TTN: variants seen among roughly 807,000 people sequenced by gnomAD.
The protein encoded by TTN is connectin.
A neutral mutation model predicts 3,223.0 loss-of-function variants in TTN; 1,525 were observed. That is an observed-to-expected ratio of 0.47 (90% CI 0.45 to 0.49). The LOEUF is 0.49. TTN is among the 20% of genes least tolerant of loss of function. TTN has a pLI of 0.00. For synonymous variants in TTN, 14,094 were observed against 15,161.0 expected, an observed-to-expected ratio of 0.93 and a Z score of 5.17; for missense variants, 40,786 against 43,424.0, an observed-to-expected ratio of 0.94 and a Z score of 5.40.
At position 178,732,436 on chromosome 2, in the gene TTN, A is replaced by C; in HGVS notation, c.16621+4T>G. 1 of 1,596,308 alleles carries C rather than the reference A, an allele frequency of 6.3e-7. No individual in the cohort carries two copies. The stretch of plus-strand genomic sequence containing the variant: ...CACAAAGATGTCAAGAAAACAATGC[A>C]AACCTTTTACAAACAAGTTTGCACT... On this transcript the variant is annotated splice_donor_region_variant and intron_variant, in intron 56 of 362. Transcript: ENST00000589042.
rs1269228304 is a variant in TTN, at chr2:178,560,793, C to A, written c.85339G>T (p.Val28447Leu). The A allele has an allele frequency of 1.2e-6, 2 of 1,613,718 alleles. No individual in the cohort carries two copies. Among genetic ancestry groups the A allele is most frequent in the South Asian group, 1.1e-5 (1 of 91,078 alleles). Residue 28447 changes from valine to leucine, a missense_variant, in exon 326 of 363, where the codon GTA becomes TTA. Transcript: ENST00000589042. ...GCTGGTGGACCAGGCTTATCAAGTA[C>A]TTTGCAATTAACGGCCACAGACCGA... ...GTRSVAVNCKVLDKPGPPAGP... is the reference protein window; with the variant it reads ...GTRSVAVNCKLLDKPGPPAGP...
intron 47 of TTN, chr2:178,750,095 G>A (rs1280969353): frequency 5.0e-6 from 8 of 1,613,112 alleles, no homozygotes; most frequent in Non-Finnish European, 6.8e-6. Flanking sequence ...AATTTCTACA[G>A]GAAAGGAAAG....
Position 178,713,356 on chromosome 2 carries a change from A to G in TTN, c.26778T>C (p.Pro8926=), listed in dbSNP as rs767578464. Residue 8926 remains proline (P), a synonymous_variant, in exon 93 of 363, where the codon CCT becomes CCC. Transcript: ENST00000589042. Reference sequence around the variant, plus strand: ...TCTCTTTCAATTTTCTTGTGAATGAAGGAGGAACGGTTCGGTCTGAATGAT... The same window carrying G: ...TCTCTTTCAATTTTCTTGTGAATGAGGGAGGAACGGTTCGGTCTGAATGAT... ...SLQVSDRTVP[P]SFTRKLKETN... 6.5e-6 allele frequency: 10 copies of G among 1,541,996 alleles called. No individual in the cohort carries two copies. In the South Asian group the frequency reaches 1.2e-4, roughly 19 times the overall value.
Position 178,605,258 on chromosome 2 carries a change from TC to T in TTN, c.53918del (p.Gly17973GlufsTer18), listed in dbSNP as rs1486129583. ...CTCCTGCCTTAACTTTGATAGTGTC[TC>T]CTCGAACACTCAGACGCAACTTAAT... is the stretch of plus-strand genomic sequence containing the variant. ...PTIKLRLSVR[G>X]DTIKVKAGEP... is the part of the protein sequence containing the mutation. On this transcript the variant is annotated frameshift_variant, in exon 280 of 363. Coordinates refer to ENST00000589042, the MANE Select transcript of TTN (RefSeq NM_001267550.2). LOFTEE classifies it high-confidence loss of function. The T allele has an allele frequency of 6.2e-7, 1 of 1,603,420 alleles. No homozygotes were observed. The highest frequency in any genetic ancestry group is 8.5e-7 in the Non-Finnish European group (1 of 1,174,960).
At position 178,644,518 on chromosome 2, in the gene TTN, T is replaced by C. The variant is rs116209755; in HGVS notation, c.40477+30A>G. The C allele has an allele frequency of 6.8e-4, 1,035 of 1,532,808 alleles. 2 individuals are homozygous for C. Among genetic ancestry groups the C allele is most frequent in the Admixed American group, 9.0e-4 (42 of 46,502 alleles). 95.0% of individuals were successfully genotyped at this position (1,532,808 alleles called of 1,614,324 possible). A position where few individuals can be genotyped will look rare whatever the true frequency, so the allele number is the denominator to read the frequency against. ...AGGAGTCAGGTAAAGGGGTACTACA[T>C]AAGTATGTATTTTTCAGCCTGTGAA... On this transcript the variant is annotated intron_variant, in intron 218 of 362. Transcript: ENST00000589042.
chr2:178,539,559 GTC>G lies in TTN; in HGVS notation c.98504_98505del (p.Arg32835ThrfsTer5). 1 of 1,613,734 alleles carries G rather than the reference GTC, an allele frequency of 6.2e-7. No individual in the cohort carries two copies. The highest frequency in any genetic ancestry group is 8.5e-7 in the Non-Finnish European group (1 of 1,179,774). On this transcript the variant is annotated frameshift_variant, in exon 352 of 363. Transcript: ENST00000589042. LOFTEE classifies it high-confidence loss of function. ...TACCAGGCGGCTTTAGGCACTTCTC[GTC>G]TCTCGAGGATGTAGCCTAAGATGTC... ...GADILGYILE[R>X]REVPKAAWYT...
Position 178,539,379 on chromosome 2 carries a change from T to C in TTN, c.98683+3A>G, listed in dbSNP as rs1693285723. The C allele has an allele frequency of 6.2e-7, 1 of 1,608,814 alleles. No homozygotes were observed. Among genetic ancestry groups the C allele is most frequent in the Non-Finnish European group, 8.5e-7 (1 of 1,175,998 alleles). On this transcript the variant is annotated splice_donor_region_variant and intron_variant, in intron 352 of 362. Transcript: ENST00000589042. The stretch of plus-strand genomic sequence containing the variant: ...ATAATTTTGTGGTTGAAAGGGCACT[T>C]ACTCAATGGTGTTTTTGGTGTGACT...
At chr2:178,649,400 C>G in intron 212 of TTN, 69 bp from the exon 213 acceptor site, 2 of 1,332,584 alleles carry the variant, frequency 1.5e-6, no homozygotes, top group Non-Finnish European at 2.0e-6. Context: ...GAATAAAAAA[C>G]CTGTATTTAT....
rs1430479262 is a variant in TTN at position 178,538,819 on chromosome 2, C to T, written c.99010G>A (p.Glu33004Lys). ...DPFDKPSQPG[E>K]LEILSISKDS... ...TTGGATATTGAAAGAATCTCAAGTT[C>T]TCCTGGTTGGCTTGGTTTATCTGAA... The change falls in exon 354 of 363, where the codon GAA becomes AAA. Residue 33004 changes from glutamate to lysine, a missense_variant. Physicochemically the swap from Glu to Lys is moderately conservative, Grantham distance 56 (BLOSUM62 1). Coordinates refer to ENST00000589042, the MANE Select transcript of TTN (RefSeq NM_001267550.2). 2 of 1,608,420 alleles carry T rather than the reference C, an allele frequency of 1.2e-6. No individual in the cohort carries two copies. The highest frequency in any genetic ancestry group is 2.2e-5 in the South Asian group (2 of 90,170).
intron 264 of TTN, 26 bp downstream of exon 264, chr2:178,613,135 A>C (rs2056658074): frequency 6.2e-7 from 1 of 1,607,534 alleles, no homozygotes; most frequent in African/African-American, 1.3e-5. Flanking sequence ...ACTTCGAAAT[A>C]ACCACAAAAA....
intron 136 of TTN, 46 bp downstream of exon 136, chr2:178,681,615 A>T (rs1451479220): frequency 1.3e-6 from 2 of 1,562,150 alleles, no homozygotes; most frequent in Non-Finnish European, 1.7e-6. Flanking sequence ...ACAGACATGG[A>T]GGAAACAAAG....
Position 178,667,222 on chromosome 2 carries a change from C to A in TTN, c.35797+14G>T, listed in dbSNP as rs201205432. 9.5e-6 allele frequency: 15 copies of A among 1,581,400 alleles called. No individual in the cohort carries two copies. Among genetic ancestry groups the A allele is most frequent in the Non-Finnish European group, 8.6e-7 (1 of 1,162,796 alleles). On this transcript the variant is annotated intron_variant, in intron 162 of 362. Coordinates refer to ENST00000589042, the MANE Select transcript of TTN (RefSeq NM_001267550.2). Reference sequence around the variant, plus strand: ...TATTTTCTTCTTTAGATTTTCCTAACTAGAGAATTATACCTTCAGTTGGAG... The same window carrying A: ...TATTTTCTTCTTTAGATTTTCCTAAATAGAGAATTATACCTTCAGTTGGAG...
chr2:178,785,598 A>G, intron 15 of TTN, 22 bp downstream of exon 15: 1 of 1,613,862 alleles, frequency 6.2e-7, no homozygotes, highest in Non-Finnish European at 8.5e-7. Context: ...ACATTTCTGT[A>G]TCATGCTCTG....
intron 282 of TTN, among the ~76,000 whole-genome samples, chr2:178,603,033 A>G (rs752059341): frequency 3.4e-4 from 52 of 152,020 alleles, no homozygotes; most frequent in Non-Finnish European, 7.1e-4. Context: ...CTTTAGGGAC[A>G]GGATCAGTGT....
At chr2:178,713,037 C>A in intron 93 of TTN, 48 bp downstream of exon 93, 1 of 1,605,100 alleles carries the variant, frequency 6.2e-7, no homozygotes, top group South Asian at 1.1e-5. Flanking sequence ...GACAAACATG[C>A]TTAATAAACT....
rs369857502 is a variant in TTN at position 178,549,366 on chromosome 2, A to G, written c.92260T>C (p.Tyr30754His). 6.2e-7 allele frequency: 1 copy of G among 1,613,800 alleles called. No homozygotes were observed. Among genetic ancestry groups the G allele is most frequent in the South Asian group, 1.1e-5 (1 of 91,082 alleles). Reference protein sequence around the residue: ...ESDGGSEIQQYILERREKKST... With the variant: ...ESDGGSEIQQHILERREKKST... ...TTCTTTTCTCTTCTTTCAAGGATAT[A>G]CTGTTGAATTTCACTGCCACCATCT... The change falls in exon 339 of 363, where the codon TAT becomes CAT. Residue 30754 changes from tyrosine to histidine, a missense_variant. By Grantham distance (83) the Tyr-to-His change is moderately conservative (BLOSUM62 2). Transcript: ENST00000589042.
intron 130 of TTN, 59 bp from the exon 131 acceptor site, chr2:178,684,808 C>A (rs1331584591): frequency 1.9e-6 from 3 of 1,566,430 alleles, no homozygotes; most frequent in African/African-American, 2.7e-5. Flanking sequence ...TAAACACAGG[C>A]ACACTTATTT....
chr2:178,560,027 A>G lies in TTN; in HGVS notation c.86105T>C (p.Ile28702Thr). 6.2e-7 allele frequency: 1 copy of G among 1,613,708 alleles called. No individual in the cohort carries two copies. The highest frequency in any genetic ancestry group is 1.3e-5 in the African/African-American group (1 of 75,044). The change falls in exon 326 of 363, where the codon ATT (isoleucine) becomes ACT (threonine). Residue 28702 changes from isoleucine (I) to threonine (T), a missense_variant. By Grantham distance (89) the Ile-to-Thr change is moderately conservative. Coordinates refer to ENST00000589042, the MANE Select transcript of TTN (RefSeq NM_001267550.2). The part of the protein sequence containing the change: ...KSDDTDWKTS[I>T]QSLRGTEYTI... Reference sequence around the variant, plus strand: ...ATATTCTGTCCCTCGTAAGCTCTGAATGGAAGTTTTCCAGTCAGTGTCATC... The same window carrying G: ...ATATTCTGTCCCTCGTAAGCTCTGAGTGGAAGTTTTCCAGTCAGTGTCATC...
At position 178,672,097 on chromosome 2, in the gene TTN, C is replaced by T. The variant is rs2067100834; in HGVS notation, c.35101G>A (p.Glu11701Lys). Residue 11701 changes from glutamate to lysine, a missense_variant, in exon 155 of 363, where the codon GAA (glutamate) becomes AAA (lysine). By Grantham distance (56) the Glu-to-Lys change is moderately conservative. Coordinates refer to ENST00000589042, the MANE Select transcript of TTN (RefSeq NM_001267550.2). ...FEEGEFHEVE[E>K]FIKLEQHRVE... is the part of the protein sequence containing the mutation. ...CTATGTTGTTCTAATTTGATGAATT[C>T]TTCTACTTCATGAAACTCGCCTTCT... 6.2e-7 allele frequency: 1 copy of T among 1,612,090 alleles called. No homozygotes were observed. Among genetic ancestry groups the T allele is most frequent in the South Asian group, 1.1e-5 (1 of 90,900 alleles).
Sources: gnomAD v4.1 joint callset for allele counts (sites outside exome capture counted in the v4.1 genomes callset) on GRCh38, gnomAD v4.1.1 for gene constraint, MANE v1.5 for transcripts, NCBI Gene and HGNC (gene_info 2026-07-23, HGNC 2026-07-21) for gene names.